TRIM48: variants seen among roughly 807,000 people sequenced by gnomAD.
TRIM48 encodes the protein E3 ubiquitin-protein ligase TRIM48.
TRIM48 carries 31 observed loss-of-function variants against 29.5 expected under a neutral mutation model. The observed-to-expected ratio is 1.05, with a 90% confidence interval of 0.79 to 1.42. The LOEUF is 1.42. TRIM48 is among the 40% of genes most tolerant of loss of function. The probability of loss-of-function intolerance (pLI) is 0.00; values close to 1 mark genes in which losing one functional copy is unlikely to be tolerated. For synonymous variants in TRIM48, 128 were observed against 90.6 expected (o/e 1.41, Z -2.34); for missense variants, 344 against 265.0 (o/e 1.30, Z -2.07).
At chr11:55,262,342 T>A in intron 1 of TRIM48, 31 bp downstream of exon 1, 1 of 1,464,334 alleles carries the variant, frequency 6.8e-7, no homozygotes. Flanking sequence ...TAAAATTATA[T>A]CTTCTTTCCT....
intron 3 of TRIM48, among the ~76,000 whole-genome samples, chr11:55,267,813 G>A (rs1247395501): frequency 6.8e-6 from 1 of 147,732 alleles, no homozygotes; most frequent in African/African-American, 2.5e-5. Flanking sequence ...ATCCTACCAG[G>A]CCAAAGGTCC....
At chr11:55,263,617 G>T (rs1007035245) in intron 1 of TRIM48, among the ~76,000 whole-genome samples, 3 of 152,118 alleles carry the variant, frequency 2.0e-5, no homozygotes, top group African/African-American at 7.2e-5. Context: ...AGCCGAGATT[G>T]CACCACTGCA....
intron 1 of TRIM48, among the ~76,000 whole-genome samples, chr11:55,264,372 G>C (rs1242970352): frequency 2.0e-5 from 3 of 147,442 alleles, no homozygotes; most frequent in Non-Finnish European, 4.5e-5. Context: ...ATTATTTTCA[G>C]TCCTGAGATA....
intron 1 of TRIM48, among the ~76,000 whole-genome samples, chr11:55,264,166 G>A (rs979851226): frequency 4.1e-5 from 5 of 122,280 alleles, no homozygotes; most frequent in Non-Finnish European, 7.3e-5. Flanking sequence ...CTATATGTTA[G>A]TTCAGAGTTT....
In TRIM48 at chr11:55,268,401, G is replaced by A. The variant is rs1206515095; in HGVS notation, c.578+29G>A. The A allele has an allele frequency of 9.1e-6, 14 of 1,531,220 alleles. 1 individual carries two copies. Among genetic ancestry groups the A allele is most frequent in the Non-Finnish European group, 1.2e-5 (14 of 1,125,504 alleles). 94.9% of individuals were successfully genotyped at this position (1,531,220 alleles called of 1,614,324 possible). ...AGTATGTACCTGGATTTTAGCATAT[G>A]TTCTTTCACTTTCCACGAATATCAA... On this transcript the variant is annotated intron_variant, in intron 4 of 5. Transcript: ENST00000417545.
chr11:55,269,134 C>G, intron 4 of TRIM48, 108 bp from the exon 5 acceptor site: 1 of 1,420,658 alleles, frequency 7.0e-7, no homozygotes, highest in Non-Finnish European at 9.4e-7. Flanking sequence ...TTTGAATTAT[C>G]AAATTTGTGG....
rs965386333 is a variant in TRIM48 at position 55,270,654 on chromosome 11, T to C, written c.*219T>C. On this transcript the variant is annotated 3_prime_UTR_variant, in exon 6 of 6. Coordinates refer to ENST00000417545, the MANE Select transcript of TRIM48 (RefSeq NM_024114.5). ...GGAATTGGGCTTTTGGTGTCTGTAATAAGTATTGGAAAGGGAAGAATCAGA... is the reference window on the plus strand; with the variant it reads ...GGAATTGGGCTTTTGGTGTCTGTAACAAGTATTGGAAAGGGAAGAATCAGA... 4.4e-6 allele frequency: 7 copies of C among 1,579,060 alleles called. 2 individuals carry two copies. In the African/African-American group the frequency reaches 6.8e-5, roughly 15 times the overall value.
At chr11:55,270,137 G>A (rs182278246) in intron 5 of TRIM48, among the ~76,000 whole-genome samples, 9 of 148,230 alleles carry the variant, frequency 6.1e-5, no homozygotes, top group Admixed American at 2.7e-4. Context: ...TAGCATTTAG[G>A]GCGTATAATG....
intron 1 of TRIM48, among the ~76,000 whole-genome samples, chr11:55,263,376 G>A (rs557865019): frequency 3.5e-4 from 53 of 152,054 alleles, no homozygotes; most frequent in Non-Finnish European, 6.6e-4. Context: ...ATAAAACCTA[G>A]GCGCAGTGAC....
chr11:55,263,968 G>A (rs927153983), intron 1 of TRIM48, among the ~76,000 whole-genome samples: 1 of 152,026 alleles, frequency 6.6e-6, no homozygotes, highest in Non-Finnish European at 1.5e-5. Context: ...CAAACTGAGG[G>A]ATGATGGTCC....
intron 5 of TRIM48, among the ~76,000 whole-genome samples, chr11:55,269,576 G>A (rs1327982129): frequency 2.0e-5 from 3 of 147,360 alleles, no homozygotes; most frequent in African/African-American, 7.4e-5. Context: ...AATGTAATGG[G>A]AAAAAAGGAG....
Position 55,269,246 on chromosome 11 carries a change from G to A in TRIM48, c.583G>A (p.Glu195Lys). The A allele has an allele frequency of 6.4e-7, 1 of 1,574,286 alleles. No homozygotes were observed. The highest frequency in any genetic ancestry group is 1.2e-5 in the South Asian group (1 of 83,670). ...KAFGDILYRS[E>K]SVLLHMPQPL... ...ACTGCAGGTTTTTCCTTGCAGGAGTGAGTCCGTGCTGCTGCACATGCCCCA... is the reference window on the plus strand; with the variant it reads ...ACTGCAGGTTTTTCCTTGCAGGAGTAAGTCCGTGCTGCTGCACATGCCCCA... The change falls in exon 5 of 6, where the codon GAG (glutamate) becomes AAG (lysine). Residue 195 changes from glutamate to lysine, a missense_variant. By Grantham distance (56) the Glu-to-Lys change is moderately conservative (BLOSUM62 1). Transcript: ENST00000417545.
At chr11:55,269,414 A>T in intron 5 of TRIM48, 75 bp downstream of exon 5, 1 of 1,505,780 alleles carries the variant, frequency 6.6e-7, no homozygotes, top group African/African-American at 1.4e-5. Flanking sequence ...GTAATATTTC[A>T]TCCTTTATCA....
intron 1 of TRIM48, among the ~76,000 whole-genome samples, chr11:55,263,574 C>T (rs905751378): frequency 3.9e-5 from 6 of 151,974 alleles, no homozygotes; most frequent in Admixed American, 1.3e-4. Context: ...AGGCAGGAGA[C>T]TCGCTTTGAC....
rs1857372830 is a variant in TRIM48 at position 55,265,244 on chromosome 11, T to A, written c.389T>A (p.Leu130Gln). The change falls in exon 2 of 6, where the codon CTG becomes CAG. Residue 130 changes from leucine (L) to glutamine (Q), a missense_variant. By Grantham distance (113) the Leu-to-Gln change is moderately radical (BLOSUM62 -2). Transcript: ENST00000417545. ...GTGGACAGGAGCCTGCTCTGTTTGC[T>A]GTGCTCCAGCTCTCAGGAGCACCGG... The part of the protein sequence containing the change: ...CEVDRSLLCL[L>Q]CSSSQEHRYH... 6.3e-7 allele frequency: 1 copy of A among 1,582,548 alleles called. No individual in the cohort carries two copies. Among genetic ancestry groups the A allele is most frequent in the Non-Finnish European group, 8.6e-7 (1 of 1,166,186 alleles).
intron 1 of TRIM48, among the ~76,000 whole-genome samples, chr11:55,263,608 G>T (rs113294578): frequency 4.6e-5 from 7 of 152,140 alleles, no homozygotes; most frequent in Non-Finnish European, 1.0e-4. Context: ...GTTGCAGTGA[G>T]CCGAGATTGC....
chr11:55,270,850 G>A lies in TRIM48; in HGVS notation c.*415G>A. The A allele has an allele frequency of 1.3e-6, 2 of 1,569,346 alleles. 1 individual carries two copies. The highest frequency in any genetic ancestry group is 1.7e-6 in the Non-Finnish European group (2 of 1,154,014). ...AGCTAGAACTGTGAGCTTCGTTGAT[G>A]TTAGTCAAAGCTCCCCTATATACAC... On this transcript the variant is annotated 3_prime_UTR_variant, in exon 6 of 6. Transcript: ENST00000417545.
chr11:55,263,584 C>T (rs1311600371), intron 1 of TRIM48, among the ~76,000 whole-genome samples: 3 of 152,196 alleles, frequency 2.0e-5, no homozygotes, highest in Non-Finnish European at 4.4e-5. Context: ...CTCGCTTTGA[C>T]CCAGGAGGTG....
intron 1 of TRIM48, 130 bp from the exon 2 acceptor site, chr11:55,264,770 A>G (rs550388432): frequency 1.4e-6 from 2 of 1,411,010 alleles, no homozygotes; most frequent in South Asian, 2.8e-5. Flanking sequence ...TTTGTTACAG[A>G]AGAAATAGTT....
Sources: allele counts gnomAD v4.1 joint callset (sites outside exome capture counted in the v4.1 genomes callset), GRCh38; gene constraint gnomAD v4.1.1; transcripts MANE v1.5; gene names NCBI Gene and HGNC (gene_info 2026-07-23, HGNC 2026-07-21).